The following LRRIQ1 variants were observed in gnomAD, a reference collection of about 807,000 sequenced individuals.
LRRIQ1 encodes the protein leucine rich repeats and IQ motif containing 1, also known as leucine-rich repeat- and IQ domain-containing protein 1.
A neutral mutation model predicts 211.9 loss-of-function variants in LRRIQ1; 210 were observed. The ratio of observed to expected loss-of-function variants is 0.99; its 90% CI spans 0.89 to 1.11. The LOEUF (loss-of-function observed/expected upper bound fraction) is 1.11. Among genes scored for constraint, LRRIQ1 ranks in the 50% most tolerant of loss-of-function variants. LRRIQ1 has a pLI of 0.00. For missense variants in LRRIQ1, 2,136 were observed against 1,939.5 expected, an observed-to-expected ratio of 1.10 and a Z score of -1.90; for synonymous variants, 699 against 650.1, an observed-to-expected ratio of 1.08 and a Z score of -1.14.
intron 20 of LRRIQ1, 92 bp downstream of exon 20, chr12:85,152,461 C>T (rs1216831136): frequency 3.3e-6 from 3 of 899,438 alleles, no homozygotes; most frequent in African/African-American, 1.7e-5. Flanking sequence ...AATTTATTGA[C>T]TTGAAAAACA....
At chr12:85,146,615 C>T (rs938825016) in intron 19 of LRRIQ1, among the ~76,000 whole-genome samples, 8 of 151,636 alleles carry the variant, frequency 5.3e-5, no homozygotes, top group African/African-American at 1.9e-4. Context: ...GTATTCCTTT[C>T]AAAGATTCTG....
chr12:85,135,209 A>G (rs1178529629), intron 18 of LRRIQ1, among the ~76,000 whole-genome samples: 1 of 151,930 alleles, frequency 6.6e-6, no homozygotes, highest in Non-Finnish European at 1.5e-5. Flanking sequence ...GGGTTTTCCA[A>G]TTTCTGAATT....
At chr12:85,192,012 A>C (rs890194079) in intron 24 of LRRIQ1, among the ~76,000 whole-genome samples, 9 of 151,772 alleles carry the variant, frequency 5.9e-5, no homozygotes, top group Non-Finnish European at 8.8e-5. Flanking sequence ...AGTATTTTAC[A>C]TTCATGGGTA....
rs183623470 is a variant in LRRIQ1, at chr12:85,156,791, G to A, written c.4720+2697G>A. Reference sequence around the variant, plus strand: ...GCAACATCGTCTATAAAACTGCTGCGAGACTAACTAGATCTACGGGAGTGG... The same window carrying A: ...GCAACATCGTCTATAAAACTGCTGCAAGACTAACTAGATCTACGGGAGTGG... On this transcript the variant is annotated intron_variant, in intron 23 of 26. Transcript: ENST00000393217. Among the ~76,000 whole-genome samples, 35 of 149,344 alleles carry A rather than the reference G, an allele frequency of 2.3e-4. No homozygotes were observed. The East Asian group carries it at 5.0e-3, about 22-fold the overall frequency.
intron 23 of LRRIQ1, among the ~76,000 whole-genome samples, chr12:85,154,695 A>G (rs1051162236): frequency 8.6e-5 from 13 of 151,374 alleles, no homozygotes; most frequent in African/African-American, 2.9e-4. Flanking sequence ...GTCAGAGAAG[A>G]AATATCAGGA....
chr12:85,151,404 C>T (rs1405139806), intron 19 of LRRIQ1, among the ~76,000 whole-genome samples: 1 of 151,518 alleles, frequency 6.6e-6, no homozygotes, highest in Admixed American at 6.6e-5. Flanking sequence ...CATTTACATC[C>T]CCTCAGAATA....
intron 11 of LRRIQ1, among the ~76,000 whole-genome samples, chr12:85,075,192 A>C (rs566203228): frequency 3.3e-4 from 50 of 152,150 alleles, no homozygotes; most frequent in African/African-American, 1.1e-3. Context: ...CACGCTTATA[A>C]TCCTAGCACT....
intron 24 of LRRIQ1, among the ~76,000 whole-genome samples, chr12:85,199,324 G>A (rs757131018): frequency 3.3e-5 from 5 of 151,916 alleles, no homozygotes; most frequent in African/African-American, 1.2e-4. Context: ...TCAATCTTTC[G>A]CATATAGGCA....
At chr12:85,220,704 T>A (rs1027919888) in intron 24 of LRRIQ1, among the ~76,000 whole-genome samples, 2 of 151,668 alleles carry the variant, frequency 1.3e-5, no homozygotes, top group Admixed American at 1.3e-4. Context: ...GCAGGTTTGT[T>A]ACATATGTAT....
At chr12:85,199,463 C>CT (rs1194819235) in intron 24 of LRRIQ1, among the ~76,000 whole-genome samples, 1 of 152,040 alleles carries the variant, frequency 6.6e-6, no homozygotes, top group African/African-American at 2.4e-5. Flanking sequence ...CCCCATTGGT[C>CT]TGTGTCTGTT....
chr12:85,198,730 G>C (rs1304090242), intron 24 of LRRIQ1, among the ~76,000 whole-genome samples: 1 of 151,956 alleles, frequency 6.6e-6, no homozygotes, highest in African/African-American at 2.4e-5. Context: ...TCCATGCTCG[G>C]CTAATTTTTT....
At chr12:85,161,906 G>C (rs541258787) in intron 24 of LRRIQ1, among the ~76,000 whole-genome samples, 2 of 152,170 alleles carry the variant, frequency 1.3e-5, no homozygotes, top group East Asian at 3.9e-4. Context: ...CGGGCGTGGT[G>C]GTGGGCTCCT....
At chr12:85,257,137 T>G (rs77083530) in intron 1 of LRRIQ1, among the ~76,000 whole-genome samples, 2 of 113,840 alleles carry the variant, frequency 1.8e-5, no homozygotes, top group African/African-American at 6.4e-5. Flanking sequence ...TAATATATAT[T>G]ATATATTTAT....
chr12:85,193,329 A>G (rs1249529996), intron 24 of LRRIQ1, among the ~76,000 whole-genome samples: 1 of 117,792 alleles, frequency 8.5e-6, no homozygotes, highest in East Asian at 2.2e-4. Flanking sequence ...GAACGCCACA[A>G]AGATACTCCT....
chr12:85,201,585 A>G (rs1278833038), intron 24 of LRRIQ1, among the ~76,000 whole-genome samples: 1 of 152,110 alleles, frequency 6.6e-6, no homozygotes, highest in Non-Finnish European at 1.5e-5. Context: ...AGAGGTGTTC[A>G]TAGTAGTCTC....
In LRRIQ1 at chr12:85,212,845, A is replaced by G. The variant is rs1353568336; in HGVS notation, c.4823-16672A>G. Among the ~76,000 whole-genome samples the G allele has an allele frequency of 2.0e-5, 3 of 150,272 alleles. No individual in the cohort carries two copies. The Admixed American group carries it at 2.0e-4, about 10-fold the overall frequency. On this transcript the variant is annotated intron_variant, in intron 24 of 26. Coordinates refer to ENST00000393217, the MANE Select transcript of LRRIQ1 (RefSeq NM_001079910.2). ...AGAGAGAGAGGGTTCTAGGGTAAAA[A>G]CTCAGTGAGTAGGTTAAAACAATAT...
At chr12:85,249,431 A>C (rs753892956), downstream of LRRIQ1, among the ~76,000 whole-genome samples, 1 of 151,804 alleles carries the variant, frequency 6.6e-6, no homozygotes, top group Non-Finnish European at 1.5e-5. Flanking sequence ...GTCTGTGTGC[A>C]TCTGTGTGTA....
chr12:85,238,624 C>A (rs1023033710), intron 26 of LRRIQ1, among the ~76,000 whole-genome samples: 1 of 151,722 alleles, frequency 6.6e-6, no homozygotes, highest in Non-Finnish European at 1.5e-5. Context: ...TGTAATTTAC[C>A]ACATTAACAT....
intron 19 of LRRIQ1, among the ~76,000 whole-genome samples, chr12:85,146,807 C>A (rs904508800): frequency 6.6e-6 from 1 of 151,714 alleles, no homozygotes; most frequent in African/African-American, 2.4e-5. Context: ...TCTTACTCTT[C>A]TTTTGGCCAG....
Sources: gnomAD v4.1 joint callset for allele counts (sites outside exome capture counted in the v4.1 genomes callset) on GRCh38, gnomAD v4.1.1 for gene constraint, MANE v1.5 for transcripts, NCBI Gene and HGNC (gene_info 2026-07-23, HGNC 2026-07-21) for gene names.